The following PCDHA13 variants were observed in gnomAD, a reference collection of about 807,000 sequenced individuals.
The protein encoded by PCDHA13 is protocadherin alpha-13.
In PCDHA13, 54 loss-of-function variants were observed where a neutral mutation model predicts 64.8. That is an observed-to-expected ratio of 0.83 (90% CI 0.67 to 1.04). The LOEUF is 1.04. Among genes scored for constraint, PCDHA13 ranks in the 50% least tolerant of loss-of-function variants. PCDHA13 has a pLI of 0.00. For missense variants in PCDHA13, 1,248 were observed against 1,254.3 expected (o/e 0.99, Z 0.08); for synonymous variants, 587 against 564.4 (o/e 1.04, Z -0.57).
chr5:140,980,085 T>C (rs1294414077), intron 2 of PCDHA13, among the ~76,000 whole-genome samples: 1 of 152,242 alleles, frequency 6.6e-6, no homozygotes, highest in Non-Finnish European at 1.5e-5. Context: ...AGATTAGTAG[T>C]TGGCTTGGTA....
chr5:140,964,252 T>G (rs569615423), intron 1 of PCDHA13, among the ~76,000 whole-genome samples: 6 of 152,332 alleles, frequency 3.9e-5, no homozygotes, highest in African/African-American at 1.2e-4. Flanking sequence ...GGCTTTATAT[T>G]TGACTCCTTA....
At chr5:140,907,752 T>C (rs1255877387) in intron 1 of PCDHA13, among the ~76,000 whole-genome samples, 5 of 152,190 alleles carry the variant, frequency 3.3e-5, no homozygotes, top group African/African-American at 1.2e-4. Flanking sequence ...ACTTTGTTCA[T>C]GGGCCCATTG....
chr5:140,973,384 CAAAG>C (rs1250756648), intron 1 of PCDHA13, among the ~76,000 whole-genome samples: 4 of 152,194 alleles, frequency 2.6e-5, no homozygotes, highest in Non-Finnish European at 5.9e-5. Context: ...TCAGAATAGA[CAAAG>C]AAATCATATC....
intron 1 of PCDHA13, among the ~76,000 whole-genome samples, chr5:140,895,293 G>A (rs759197253): frequency 5.9e-5 from 9 of 151,430 alleles, no homozygotes; most frequent in African/African-American, 9.7e-5. Flanking sequence ...TAGGACCTTC[G>A]ATTTCCCCCC....
chr5:140,910,053 G>C (rs2074856503), intron 1 of PCDHA13, among the ~76,000 whole-genome samples: 1 of 152,170 alleles, frequency 6.6e-6, no homozygotes, highest in Non-Finnish European at 1.5e-5. Context: ...CATAATAAGT[G>C]ATCTTTTAAC....
chr5:141,009,717 A>C lies in PCDHA13; in HGVS notation c.2633A>C (p.Gln878Pro). Residue 878 changes from glutamine to proline, a missense_variant, in exon 4 of 4, where the codon CAA becomes CCA. Coordinates refer to ENST00000289272, the MANE Select transcript of PCDHA13 (RefSeq NM_018904.3). ...AAATACGGACCAGGCAACCCCAAAC[A>C]ATCCGGTCCCGGTGAGTTGCCCGAC... ...TFKYGPGNPK[Q>P]SGPGELPDKF... is the part of the protein sequence containing the mutation. 4 of 1,614,058 alleles carry C rather than the reference A, an allele frequency of 2.5e-6. No homozygotes were observed. The highest frequency in any genetic ancestry group is 3.4e-6 in the Non-Finnish European group (4 of 1,180,004).
chr5:140,944,853 C>T (rs1230548858), intron 1 of PCDHA13, among the ~76,000 whole-genome samples: 1 of 152,118 alleles, frequency 6.6e-6, no homozygotes, highest in East Asian at 1.9e-4. Context: ...TTAGAATCAT[C>T]CTTATTTATC....
chr5:140,952,157 T>TG (rs771517820), intron 1 of PCDHA13, among the ~76,000 whole-genome samples: 33 of 152,162 alleles, frequency 2.2e-4, no homozygotes, highest in Non-Finnish European at 4.3e-4. Flanking sequence ...TGTGGCTTTG[T>TG]GGGGTTCAGT....
intron 1 of PCDHA13, among the ~76,000 whole-genome samples, chr5:140,955,336 T>G (rs1294171389): frequency 1.3e-5 from 2 of 152,144 alleles, no homozygotes; most frequent in African/African-American, 2.4e-5. Context: ...GTTCCCATAA[T>G]CCCCACATGT....
intron 1 of PCDHA13, among the ~76,000 whole-genome samples, chr5:140,936,295 C>T (rs1482125698): frequency 1.3e-5 from 2 of 152,182 alleles, no homozygotes; most frequent in African/African-American, 4.8e-5. Context: ...TATAACATTG[C>T]TATCCAATAG....
chr5:140,983,897 G>A (rs155365), intron 3 of PCDHA13, among the ~76,000 whole-genome samples: 149,305 of 152,360 alleles, frequency 0.98, 73,183 homozygotes, highest in Middle Eastern at 1. Flanking sequence ...AAGGGCATTC[G>A]TTGATTCTAA....
rs782730096 is a variant in PCDHA13, at chr5:140,883,688, A to G, written c.1420A>G (p.Ile474Val). ...VKENNPPGCH[I>V]FTVSAQDADA... ...GGAAAACAATCCGCCGGGCTGCCAC[A>G]TCTTCACGGTGTCTGCTCAGGACGC... The change falls in exon 1 of 4, where the codon ATC becomes GTC. Residue 474 changes from isoleucine (I) to valine (V), a missense_variant. Physicochemically the swap from Ile to Val is conservative, Grantham distance 29 (BLOSUM62 3). Coordinates refer to ENST00000289272, the MANE Select transcript of PCDHA13 (RefSeq NM_018904.3). 2 of 1,613,792 alleles carry G rather than the reference A, an allele frequency of 1.2e-6. No individual in the cohort carries two copies. The highest frequency in any genetic ancestry group is 1.7e-4 in the Middle Eastern group (1 of 5,988).
chr5:141,006,465 G>T (rs1338372692), intron 3 of PCDHA13, among the ~76,000 whole-genome samples: 3 of 151,948 alleles, frequency 2.0e-5, no homozygotes, highest in Non-Finnish European at 4.4e-5. Context: ...TGCCTGTCTC[G>T]GCCTCCCAAA....
intron 1 of PCDHA13, chr5:140,968,527 G>T: frequency 3.1e-6 from 5 of 1,614,142 alleles, no homozygotes; most frequent in Non-Finnish European, 4.2e-6. Flanking sequence ...CAACCAACTC[G>T]TCAGCAGCCT....
At chr5:141,009,205 A>G (rs1325707221) in intron 3 of PCDHA13, among the ~76,000 whole-genome samples, 8 of 152,192 alleles carry the variant, frequency 5.3e-5, no homozygotes, top group Non-Finnish European at 1.2e-4. Flanking sequence ...CTATGATTCC[A>G]ACACTTTGGG....
intron 1 of PCDHA13, chr5:140,926,758 G>C: frequency 2.3e-6 from 3 of 1,302,056 alleles, no homozygotes; most frequent in Non-Finnish European, 3.0e-6. Flanking sequence ...CGGTCGCTGA[G>C]TATCCAGCCC....
chr5:140,903,086 C>T lies in PCDHA13; in HGVS notation c.2394+18424C>T, dbSNP rs534457835. 2.6e-5 allele frequency among the ~76,000 whole-genome samples: 4 copies of T among 152,260 alleles called. No homozygotes were observed. In the East Asian group the frequency reaches 7.7e-4, roughly 29 times the overall value. ...CCTTTGGGTAGATACCTGATAGTGGCATTGCTGGATCAAATAATAGCTCTA... is the reference window on the plus strand; with the variant it reads ...CCTTTGGGTAGATACCTGATAGTGGTATTGCTGGATCAAATAATAGCTCTA... On this transcript the variant is annotated intron_variant, in intron 1 of 3. Transcript: ENST00000289272.
At chr5:140,893,385 G>A (rs2063961874) in intron 1 of PCDHA13, among the ~76,000 whole-genome samples, 1 of 152,138 alleles carries the variant, frequency 6.6e-6, no homozygotes, top group South Asian at 2.1e-4. Flanking sequence ...TGGGACAGTG[G>A]CTCATGCCTG....
chr5:140,978,196 T>C (rs1043778941), intron 1 of PCDHA13, among the ~76,000 whole-genome samples: 1 of 152,190 alleles, frequency 6.6e-6, no homozygotes. Flanking sequence ...ATCTTTTCAA[T>C]ACACAACTAA....
Sources: allele counts gnomAD v4.1 joint callset (sites outside exome capture counted in the v4.1 genomes callset), GRCh38; gene constraint gnomAD v4.1.1; transcripts MANE v1.5; gene names NCBI Gene and HGNC (gene_info 2026-07-23, HGNC 2026-07-21).